NOMO1: variants seen among roughly 807,000 people sequenced by gnomAD.
NOMO1 encodes the protein nodal modulator 3.
In NOMO1, 40 loss-of-function variants were observed where a neutral mutation model predicts 133.8. The observed-to-expected ratio is 0.30, with a 90% CI of 0.23 to 0.39. NOMO1 has a LOEUF of 0.39. Ranked by LOEUF, NOMO1 falls within the 10% of genes least tolerant of loss-of-function variation. NOMO1 has a pLI of 1.00. For missense variants in NOMO1, 462 were observed against 1,419.9 expected, an observed-to-expected ratio of 0.33 and a Z score of 10.84; for synonymous variants, 236 against 570.5, an observed-to-expected ratio of 0.41 and a Z score of 8.36.
intron 18 of NOMO1, among the ~76,000 whole-genome samples, chr16:14,872,590 C>T (rs1353131578): frequency 2.4e-5 from 1 of 41,666 alleles, no homozygotes; most frequent in East Asian, 5.2e-4. Flanking sequence ...TCTGTTTGAA[C>T]TCTTTGTACT....
At chr16:14,876,539 C>T in intron 21 of NOMO1, 21 bp downstream of exon 21, 3 of 1,611,584 alleles carry the variant, frequency 1.9e-6, no homozygotes, top group Non-Finnish European at 2.5e-6. Flanking sequence ...GATAGAGACA[C>T]ATGTGCCTGG....
chr16:14,850,196 G>A (rs1963737869), intron 6 of NOMO1, among the ~76,000 whole-genome samples: 1 of 148,814 alleles, frequency 6.7e-6, no homozygotes, highest in Non-Finnish European at 1.5e-5. Flanking sequence ...TCAGCCTCCT[G>A]AGTAGCTGGG....
At chr16:14,845,980 C>G (rs1350755738) in intron 4 of NOMO1, among the ~76,000 whole-genome samples, 3 of 146,546 alleles carry the variant, frequency 2.0e-5, no homozygotes, top group Non-Finnish European at 3.0e-5. Context: ...GCGTGTGCCA[C>G]CTGACCCAGC....
rs1259880313 is a variant in NOMO1 at position 14,841,393 on chromosome 16, T to TA, written c.288dup (p.Gly97ArgfsTer5). On this transcript the variant is annotated frameshift_variant, in exon 3 of 31. Transcript: ENST00000287667. LOFTEE classifies it high-confidence loss of function. ...TTCATTCTGAAGATTGAGCCTCCCC[T>TA]AGGGTGGAGTTTTGGTAAGTTAACT... 1.0e-5 allele frequency: 7 copies of TA among 673,258 alleles called. No individual in the cohort carries two copies. Among genetic ancestry groups the TA allele is most frequent in the Non-Finnish European group, 1.8e-5 (7 of 390,602 alleles). The allele number at this position is 673,258 out of a possible 1,614,324, so 41.7% of individuals were successfully genotyped here.
At chr16:14,879,145 T>A (rs1007923377) in intron 23 of NOMO1, among the ~76,000 whole-genome samples, 1 of 151,966 alleles carries the variant, frequency 6.6e-6, no homozygotes, top group Non-Finnish European at 1.5e-5. Flanking sequence ...GAATCATGCT[T>A]ATGATGCTGA....
Position 14,875,231 on chromosome 16 carries a change from G to A in NOMO1, c.2250G>A (p.Ser750=), listed in dbSNP as rs139588276. 21,238 of 1,612,058 alleles carry A rather than the reference G, an allele frequency of 0.013. 168 individuals carry two copies. Among genetic ancestry groups the A allele is most frequent in the Non-Finnish European group, 0.016 (19,113 of 1,179,670 alleles). ...TAGATGAGTTACAAGGCCCCTTCTC[G>A]TATGATTTCTCTTACTGGGCGCGGT... ...EMVDELQGPF[S]YDFSYWARSG... The change falls in exon 19 of 31, where the codon TCG becomes TCA. Residue 750 remains serine (S), a synonymous_variant. Coordinates refer to ENST00000287667, the MANE Select transcript of NOMO1 (RefSeq NM_014287.4).
At chr16:14,874,620 A>G (rs1964127660) in intron 18 of NOMO1, among the ~76,000 whole-genome samples, 1 of 151,776 alleles carries the variant, frequency 6.6e-6, no homozygotes, top group South Asian at 2.1e-4. Context: ...GCCCCTTCCC[A>G]TTGAAACGTG....
chr16:14,893,501 A>T (rs960597893), intron 29 of NOMO1, among the ~76,000 whole-genome samples: 8 of 151,994 alleles, frequency 5.3e-5, no homozygotes, highest in Non-Finnish European at 8.8e-5. Context: ...TAAACTTTTA[A>T]GTAAGTGTTT....
At chr16:14,853,652 C>G in intron 8 of NOMO1, 48 bp downstream of exon 8, 1 of 1,611,440 alleles carries the variant, frequency 6.2e-7, no homozygotes, top group South Asian at 1.1e-5. Flanking sequence ...ACTCTCATGA[C>G]ACAGTAAAAG....
chr16:14,894,915 G>A lies in NOMO1; in HGVS notation c.3445-83G>A, dbSNP rs1418750391. The A allele has an allele frequency of 8.1e-6, 13 of 1,607,876 alleles. No homozygotes were observed. In the East Asian group the frequency reaches 2.9e-4, roughly 36 times the overall value. ...CCTCAAGTGGCCACTTTGGAAGGCT[G>A]GGTGGGTGGTGGCTGTGGCATTGTG... On this transcript the variant is annotated intron_variant, in intron 29 of 30. Transcript: ENST00000287667.
At chr16:14,877,530 T>G (rs1385854745) in intron 22 of NOMO1, among the ~76,000 whole-genome samples, 2 of 151,770 alleles carry the variant, frequency 1.3e-5, no homozygotes, top group Non-Finnish European at 2.9e-5. Context: ...GTATCATAAA[T>G]AATATCCCCA....
chr16:14,845,464 A>G lies in NOMO1; in HGVS notation c.402+690A>G, dbSNP rs534841677. Among the ~76,000 whole-genome samples, 341 of 152,054 alleles carry G rather than the reference A, an allele frequency of 2.2e-3. 3 individuals carry two copies. Among genetic ancestry groups the G allele is most frequent in the Middle Eastern group, 6.8e-3 (2 of 294 alleles). On this transcript the variant is annotated intron_variant, in intron 4 of 30. Transcript: ENST00000287667. Reference sequence around the variant, plus strand: ...GAAGTCAGCTTCTCCCAGAGAGAGCATGCATCTGCTTCTGACACTTACCTA... The same window carrying G: ...GAAGTCAGCTTCTCCCAGAGAGAGCGTGCATCTGCTTCTGACACTTACCTA...
At chr16:14,874,022 T>C (rs545666714) in intron 18 of NOMO1, among the ~76,000 whole-genome samples, 8 of 149,782 alleles carry the variant, frequency 5.3e-5, no homozygotes, top group African/African-American at 2.0e-4. Flanking sequence ...GCCCTCAGCC[T>C]TGGTCTGACC....
At position 14,858,682 on chromosome 16, in the gene NOMO1, G is replaced by A. The variant is rs879031344; in HGVS notation, c.1220+1027G>A. On this transcript the variant is annotated intron_variant, in intron 11 of 30. Coordinates refer to ENST00000287667, the MANE Select transcript of NOMO1 (RefSeq NM_014287.4). ...CCATAGCACCTCCTCACACCCCACC[G>A]GGGCGTAGGGGCTTTCTCCCACTGG... Among the ~76,000 whole-genome samples the A allele has an allele frequency of 1.3e-3, 197 of 151,942 alleles. 3 individuals are homozygous for A. Among genetic ancestry groups the A allele is most frequent in the South Asian group, 4.4e-3 (21 of 4,818 alleles).
At chr16:14,878,924 T>G in intron 23 of NOMO1, 90 bp downstream of exon 23, 1 of 1,568,468 alleles carries the variant, frequency 6.4e-7, no homozygotes, top group Non-Finnish European at 8.8e-7. Context: ...CTTGACAACG[T>G]GAGAAGAGAA....
chr16:14,882,580 G>A lies in NOMO1; in HGVS notation c.3028-14G>A. The A allele has an allele frequency of 7.4e-6, 12 of 1,611,628 alleles. No individual in the cohort carries two copies. Among genetic ancestry groups the A allele is most frequent in the Non-Finnish European group, 1.0e-5 (12 of 1,179,804 alleles). ...CCCCCTTTCTAGAGAGCTGACTCCT[G>A]AGTTTTTTTGCAGCCGGGATGTGTG... On this transcript the variant is annotated splice_polypyrimidine_tract_variant and intron_variant, in intron 25 of 30. Coordinates refer to ENST00000287667, the MANE Select transcript of NOMO1 (RefSeq NM_014287.4).
At chr16:14,864,485 C>T (rs1963962197) in intron 12 of NOMO1, 100 bp from the exon 13 acceptor site, 13 of 1,545,630 alleles carry the variant, frequency 8.4e-6, no homozygotes, top group Non-Finnish European at 1.0e-5. Flanking sequence ...CCTTCAAAAT[C>T]TCTTTAGCCT....
intron 11 of NOMO1, among the ~76,000 whole-genome samples, chr16:14,859,484 G>T (rs1484365053): frequency 6.6e-6 from 1 of 151,954 alleles, no homozygotes; most frequent in Non-Finnish European, 1.5e-5. Flanking sequence ...CAGAGATGGG[G>T]CTTTCACCCT....
chr16:14,838,943 A>G (rs1680485080), intron 2 of NOMO1, among the ~76,000 whole-genome samples: 1 of 151,794 alleles, frequency 6.6e-6, no homozygotes, highest in Non-Finnish European at 1.5e-5. Flanking sequence ...TGTGAAAAAG[A>G]AAGTCAAGGT....
Sources: allele counts gnomAD v4.1 joint callset (sites outside exome capture counted in the v4.1 genomes callset), GRCh38; gene constraint gnomAD v4.1.1; transcripts MANE v1.5; gene names NCBI Gene and HGNC (gene_info 2026-07-23, HGNC 2026-07-21).